DIS3L2: variants seen among roughly 807,000 people sequenced by gnomAD.
DIS3L2 encodes the protein DIS3-like exonuclease 2.
A neutral mutation model predicts 97.5 loss-of-function variants in DIS3L2; 34 were observed. The ratio of observed to expected loss-of-function variants is 0.35; its 90% CI spans 0.27 to 0.46. The LOEUF (loss-of-function observed/expected upper bound fraction) is 0.46, where lower values mean the gene tolerates loss of function less well. DIS3L2 is among the 20% of genes least tolerant of loss of function. DIS3L2 has a pLI of 1.00. For synonymous variants in DIS3L2, 435 were observed against 445.2 expected (o/e 0.98, Z 0.29); for missense variants, 1,038 against 1,146.0 (o/e 0.91, Z 1.36).
intron 6 of DIS3L2, among the ~76,000 whole-genome samples, chr2:232,105,806 C>G (rs778932942): frequency 3.9e-5 from 6 of 152,158 alleles, no homozygotes; most frequent in Non-Finnish European, 8.8e-5. Context: ...ACATGTCAGT[C>G]GCTATGTGTG....
In DIS3L2 at chr2:232,269,350, A is replaced by G. The variant is rs144138243; in HGVS notation, c.1659+5910A>G. The stretch of plus-strand genomic sequence containing the variant: ...GATCCAAGGTAGGAAGGATGGGTAC[A>G]TTTATCCTGTCTGGCTCTTCCTTGG... On this transcript the variant is annotated intron_variant, in intron 13 of 20. Coordinates refer to ENST00000325385, the MANE Select transcript of DIS3L2 (RefSeq NM_152383.5). This position sits in a 1 kb window ranked among gnomAD's most constrained non-coding sequence, Gnocchi z 4.5. 9.2e-5 allele frequency among the ~76,000 whole-genome samples: 14 copies of G among 152,332 alleles called. No individual in the cohort carries two copies. In the East Asian group the frequency reaches 2.3e-3, roughly 25 times the overall value.
intron 9 of DIS3L2, among the ~76,000 whole-genome samples, chr2:232,168,240 A>AT (rs1559697558): frequency 2.6e-5 from 4 of 152,094 alleles, no homozygotes; most frequent in Admixed American, 6.5e-5. Context: ...AAATGCAATA[A>AT]TTTTTTTTCT....
rs758366698 is a variant in DIS3L2 at position 232,238,628 on chromosome 2, G to A, written c.1300G>A (p.Val434Ile). Residue 434 changes from valine (V) to isoleucine (I), a missense_variant, in exon 11 of 21, where the codon GTC (valine) becomes ATC (isoleucine). Physicochemically the swap from Val to Ile is conservative, Grantham distance 29. This residue lies in a region of DIS3L2 where 813 missense variants were observed against 880.1 expected (regional missense o/e 0.92). Transcript: ENST00000325385. The part of the protein sequence containing the change: ...DKVAAERATS[V>I]YLVQKVVPML... ...AGTGGCTGCCGAGAGGGCTACAAGC[G>A]TCTACTTGGTTCAAAAGGTAAAAAT... is the stretch of plus-strand genomic sequence containing the variant. The A allele has an allele frequency of 7.7e-5, 125 of 1,613,718 alleles. No homozygotes were observed. The Middle Eastern group carries it at 9.9e-4, about 13-fold the overall frequency.
At chr2:232,012,875 A>T (rs749592000) in intron 1 of DIS3L2, among the ~76,000 whole-genome samples, 17 of 152,146 alleles carry the variant, frequency 1.1e-4, no homozygotes, top group Non-Finnish European at 2.1e-4. Flanking sequence ...TGGCAATCTT[A>T]TCCATTCTTG....
chr2:232,245,544 C>G (rs893021586), intron 11 of DIS3L2, among the ~76,000 whole-genome samples: 13 of 152,240 alleles, frequency 8.5e-5, no homozygotes, highest in Non-Finnish European at 1.5e-4. Context: ...GAATAACCAT[C>G]TATTTACAAA....
rs375509972 is a variant in DIS3L2 at position 232,230,382 on chromosome 2, G to A, written c.1205-8151G>A. 1.9e-4 allele frequency among the ~76,000 whole-genome samples: 29 copies of A among 152,278 alleles called. 1 individual carries two copies. The East Asian group carries it at 2.3e-3, about 12-fold the overall frequency. ...TCATCGCTGGTGCCGTTTGAACAGC[G>A]GAACATCCCTTTCGCTCAGCCCCCT... is the stretch of plus-strand genomic sequence containing the variant. On this transcript the variant is annotated intron_variant, in intron 10 of 20. Transcript: ENST00000325385.
intron 5 of DIS3L2, among the ~76,000 whole-genome samples, chr2:232,042,504 C>T (rs971592822): frequency 6.6e-6 from 1 of 152,116 alleles, no homozygotes; most frequent in Non-Finnish European, 1.5e-5. Context: ...GCAAGATCTT[C>T]GGAGCCTCCA....
At chr2:232,329,785 T>TCCCGGGGGCCCCCCCC in intron 14 of DIS3L2, 28 bp from the exon 15 acceptor site, 2 of 967,136 alleles carry the variant, frequency 2.1e-6, no homozygotes, top group Non-Finnish European at 1.5e-6. Flanking sequence ...ACCCCAGCGG[T>TCCCGGGGGCCCCCCCC]CCCTCCCATC....
At chr2:232,003,457 A>G (rs1225736039) in intron 1 of DIS3L2, among the ~76,000 whole-genome samples, 1 of 152,238 alleles carries the variant, frequency 6.6e-6, no homozygotes, top group East Asian at 1.9e-4. Flanking sequence ...GACTGCATAT[A>G]GAATTGCAGA....
At chr2:232,192,924 CTTCT>C (rs760488912) in intron 9 of DIS3L2, among the ~76,000 whole-genome samples, 46 of 152,156 alleles carry the variant, frequency 3.0e-4, no homozygotes, top group Non-Finnish European at 5.0e-4. Flanking sequence ...CCCAGAAAGA[CTTCT>C]TTCTTCCTCT....
At chr2:232,261,109 C>G (rs1693701137) in intron 12 of DIS3L2, among the ~76,000 whole-genome samples, 1 of 152,208 alleles carries the variant, frequency 6.6e-6, no homozygotes. Context: ...CACCTAGCCT[C>G]CTTTGTACTT....
intron 10 of DIS3L2, among the ~76,000 whole-genome samples, chr2:232,221,640 C>T (rs957458342): frequency 6.6e-6 from 1 of 151,952 alleles, no homozygotes; most frequent in African/African-American, 2.4e-5. Flanking sequence ...CCTGTCTCTA[C>T]TAAAAATACA....
chr2:232,333,718 C>T, intron 16 of DIS3L2, 122 bp from the exon 17 acceptor site: 1 of 1,395,458 alleles, frequency 7.2e-7, no homozygotes, highest in Non-Finnish European at 9.5e-7. Flanking sequence ...ACTCAGCAAC[C>T]AGCAGCCCAT....
At chr2:232,306,511 C>G (rs1344743271) in intron 14 of DIS3L2, among the ~76,000 whole-genome samples, 1 of 152,084 alleles carries the variant, frequency 6.6e-6, no homozygotes, top group East Asian at 1.9e-4. Flanking sequence ...CTTCTATACT[C>G]AATAATATAT....
intron 5 of DIS3L2, among the ~76,000 whole-genome samples, chr2:232,060,255 C>T (rs116415453): frequency 0.015 from 2,221 of 152,016 alleles, 23 homozygotes; most frequent in Non-Finnish European, 0.021. Context: ...CCCATTTGTC[C>T]GTTTTTGCTT....
At chr2:232,216,921 C>T (rs952374551) in intron 10 of DIS3L2, among the ~76,000 whole-genome samples, 3 of 151,260 alleles carry the variant, frequency 2.0e-5, no homozygotes, top group Non-Finnish European at 2.9e-5. Context: ...CTGCACACTG[C>T]AACCTCCCCC....
At position 232,206,645 on chromosome 2, in the gene DIS3L2, C is replaced by G. The variant is rs1313931400; in HGVS notation, c.1125-3681C>G. Reference sequence around the variant, plus strand: ...ACCAGTGTAGTATGGTTTGCCAATTCCTGATCAGGAATAATGTTTGGATGG... The same window carrying G: ...ACCAGTGTAGTATGGTTTGCCAATTGCTGATCAGGAATAATGTTTGGATGG... On this transcript the variant is annotated intron_variant, in intron 9 of 20. Coordinates refer to ENST00000325385, the MANE Select transcript of DIS3L2 (RefSeq NM_152383.5). Among the ~76,000 whole-genome samples, 3 of 152,174 alleles carry G rather than the reference C, an allele frequency of 2.0e-5. No individual in the cohort carries two copies. The East Asian group carries it at 5.8e-4, about 29-fold the overall frequency.
At chr2:232,214,544 T>C (rs1385322925) in intron 10 of DIS3L2, among the ~76,000 whole-genome samples, 3 of 152,144 alleles carry the variant, frequency 2.0e-5, no homozygotes, top group Non-Finnish European at 4.4e-5. Context: ...ATCCTAAATA[T>C]TCTTTGGTGT....
Position 232,188,868 on chromosome 2 carries a change from C to T in DIS3L2, c.1125-21458C>T, listed in dbSNP as rs111720018. Among the ~76,000 whole-genome samples the T allele has an allele frequency of 1.8e-4, 27 of 152,122 alleles. 2 individuals carry two copies. Among genetic ancestry groups the T allele is most frequent in the African/African-American group, 6.3e-4 (26 of 41,498 alleles). Reference sequence around the variant, plus strand: ...CAACAAGAGACTAGTATCTAGAGTACGTAAAGAACCTTTAAAACCAAAGCA... The same window carrying T: ...CAACAAGAGACTAGTATCTAGAGTATGTAAAGAACCTTTAAAACCAAAGCA... On this transcript the variant is annotated intron_variant, in intron 9 of 20. Coordinates refer to ENST00000325385, the MANE Select transcript of DIS3L2 (RefSeq NM_152383.5).
Sources: gnomAD v4.1 joint callset for allele counts (sites outside exome capture counted in the v4.1 genomes callset) on GRCh38, gnomAD v4.1.1 for gene constraint, gnomAD v4.1.1 regional missense constraint, Gnocchi (gnomAD v3.1) non-coding constraint, MANE v1.5 for transcripts, NCBI Gene and HGNC (gene_info 2026-07-23, HGNC 2026-07-21) for gene names.